The following CEP57 variants were observed in gnomAD, a reference collection of about 807,000 sequenced individuals.
CEP57 encodes centrosomal protein 57.
Under a neutral mutation model 68.0 loss-of-function variants are expected in CEP57, and 40 were observed. The ratio of observed to expected loss-of-function variants is 0.59; its 90% CI spans 0.46 to 0.77. The LOEUF (loss-of-function observed/expected upper bound fraction) is 0.77, where lower values mean the gene tolerates loss of function less well. CEP57 is among the 30% of genes least tolerant of loss of function. CEP57 has a pLI of 0.00. For missense variants in CEP57, 606 were observed against 580.7 expected, an observed-to-expected ratio of 1.04 and a Z score of -0.45; for synonymous variants, 219 against 198.7, an observed-to-expected ratio of 1.10 and a Z score of -0.86.
upstream of CEP57, chr11:95,790,497 C>T (rs139611819): frequency 9.8e-6 from 6 of 614,068 alleles, no homozygotes; most frequent in Non-Finnish European, 1.7e-5. Context: ...GACGTGTTGC[C>T]CTTTCTGTGT....
At chr11:95,790,349 G>T (rs968413063), upstream of CEP57, 3 of 415,926 alleles carry the variant, frequency 7.2e-6, no homozygotes, top group African/African-American at 4.0e-5. Context: ...CCGCAGAGCC[G>T]GCCTGTAACC....
At chr11:95,811,702 A>T (rs1412050942) in intron 2 of CEP57, among the ~76,000 whole-genome samples, 1 of 152,208 alleles carries the variant, frequency 6.6e-6, no homozygotes, top group Non-Finnish European at 1.5e-5. Context: ...TTCCCATAGA[A>T]AAATGGGCAA....
rs995064423 is a variant in CEP57 at position 95,813,523 on chromosome 11, A to G, written c.438A>G (p.Gln146=). The G allele has an allele frequency of 2.5e-6, 4 of 1,613,194 alleles. No homozygotes were observed. Among genetic ancestry groups the G allele is most frequent in the East Asian group, 2.2e-5 (1 of 44,838 alleles). ...AENKCNLLEK[Q]LEYMRNMIKH... ...ATAAATGCAATCTATTAGAAAAACAATTGGAATACATGCGAAATATGATAA... is the reference window on the plus strand; with the variant it reads ...ATAAATGCAATCTATTAGAAAAACAGTTGGAATACATGCGAAATATGATAA... The change falls in exon 4 of 11, where the codon CAA becomes CAG. Residue 146 remains glutamine, a synonymous_variant. Transcript: ENST00000325542.
rs1218464869 is a variant in CEP57 at position 95,832,449 on chromosome 11, T to A, written c.*1193T>A. ...AGGCTTTAATTTAGGATCCTTAAGA[T>A]TTTGGGGTATTATTTGTGACTCTCC... On this transcript the variant is annotated 3_prime_UTR_variant, in exon 11 of 11. Transcript: ENST00000325542. 6.6e-6 allele frequency: 1 copy of A among 152,108 alleles called. No homozygotes were observed. Among genetic ancestry groups the A allele is most frequent in the Non-Finnish European group, 1.5e-5 (1 of 67,996 alleles). 9.4% of individuals were successfully genotyped at this position (152,108 alleles called of 1,614,324 possible). A position where few individuals can be genotyped will look rare whatever the true frequency, so the allele number is the denominator to read the frequency against.
At chr11:95,797,704 T>G (rs2135253568) in intron 1 of CEP57, among the ~76,000 whole-genome samples, 1 of 152,324 alleles carries the variant, frequency 6.6e-6, no homozygotes, top group Non-Finnish European at 1.5e-5. Context: ...TAAAAATGTA[T>G]ATGTCATGAG....
In CEP57 at chr11:95,827,962, C is replaced by T. The variant is rs377021503; in HGVS notation, c.1062C>T (p.Asn354=). 2.9e-5 allele frequency: 46 copies of T among 1,613,590 alleles called. 1 individual carries two copies. The highest frequency in any genetic ancestry group is 2.7e-4 in the South Asian group (25 of 91,064). Residue 354 remains asparagine (N), a synonymous_variant, in exon 9 of 11, where the codon AAC becomes AAT. Transcript: ENST00000325542. ...TGTCAGTAACACCTCCCTCCTCCAA[C>T]GGTATTAATGAGGAGTTGTCAGAAG... ...KKLSVTPPSS[N]GINEELSEVL...
At chr11:95,798,082 C>T (rs1304077013) in intron 1 of CEP57, among the ~76,000 whole-genome samples, 2 of 152,120 alleles carry the variant, frequency 1.3e-5, no homozygotes, top group Non-Finnish European at 2.9e-5. Context: ...AAATACTAGT[C>T]TTTGTTATAT....
rs1860978168 is a variant in CEP57, at chr11:95,790,598, A to C, written c.-101A>C. 4 of 1,430,876 alleles carry C rather than the reference A, an allele frequency of 2.8e-6. No homozygotes were observed. Among genetic ancestry groups the C allele is most frequent in the Non-Finnish European group, 3.9e-6 (4 of 1,035,752 alleles). The allele number at this position is 1,430,876 out of a possible 1,614,324, so 88.6% of individuals were successfully genotyped here. A position where few individuals can be genotyped will look rare whatever the true frequency, so the allele number is the denominator to read the frequency against. ...CCTTGCCCTTTTCCATCAGGGGTTC[A>C]GCCTAGGGTCCCCGCTGGTGGGCGG... On this transcript the variant is annotated 5_prime_UTR_variant, in exon 1 of 11. Coordinates refer to ENST00000325542, the MANE Select transcript of CEP57 (RefSeq NM_014679.5).
At chr11:95,794,158 T>A in intron 1 of CEP57, 1 of 430,736 alleles carries the variant, frequency 2.3e-6, no homozygotes, top group Non-Finnish European at 4.6e-6. Context: ...TGTAAAGGGG[T>A]CCTGAGAGAA....
intron 1 of CEP57, among the ~76,000 whole-genome samples, chr11:95,790,955 C>G (rs886069249): frequency 1.3e-5 from 2 of 152,240 alleles, no homozygotes; most frequent in Non-Finnish European, 2.9e-5. Context: ...GCTGGCCGCC[C>G]CTGTTCCCCA....
intron 2 of CEP57, among the ~76,000 whole-genome samples, chr11:95,811,347 A>T (rs1862051314): frequency 6.7e-6 from 1 of 149,560 alleles, no homozygotes; most frequent in African/African-American, 2.5e-5. Flanking sequence ...ACCAGACACC[A>T]CATGTTCTCA....
In CEP57 at chr11:95,817,805, C is replaced by G. The variant is rs775752088; in HGVS notation, c.523C>G (p.Arg175Gly). ...LEKQVSLERE[R>G]QHDQTHVQSQ... is the part of the protein sequence containing the mutation. ...TTTTCAGGTTTCCCTAGAAAGAGAA[C>G]GACAACATGATCAAACACATGTTCA... Residue 175 changes from arginine to glycine, a missense_variant, in exon 5 of 11, where the codon CGA (arginine) becomes GGA (glycine). Arg to Gly is a moderately radical substitution (Grantham distance 125). Transcript: ENST00000325542. The G allele has an allele frequency of 6.2e-7, 1 of 1,612,840 alleles. No homozygotes were observed. Among genetic ancestry groups the G allele is most frequent in the East Asian group, 2.2e-5 (1 of 44,806 alleles).
Position 95,790,716 on chromosome 11 carries a change from C to T in CEP57, c.18C>T (p.Val6=). ...GCTGAAAGATGGCGGCGGCGTCTGTCTCTGCGGCTTCTGGTTCTCACTTGT... is the reference window on the plus strand; with the variant it reads ...GCTGAAAGATGGCGGCGGCGTCTGTTTCTGCGGCTTCTGGTTCTCACTTGT... MAAAS[V]SAASGSHLSN... The change falls in exon 1 of 11, where the codon GTC becomes GTT. Residue 6 remains valine (V), a synonymous_variant. Transcript: ENST00000325542. 1.9e-6 allele frequency: 3 copies of T among 1,614,144 alleles called. No homozygotes were observed. The highest frequency in any genetic ancestry group is 2.5e-6 in the Non-Finnish European group (3 of 1,180,018).
chr11:95,803,218 C>CA (rs577313421), intron 2 of CEP57, among the ~76,000 whole-genome samples: 1 of 151,592 alleles, frequency 6.6e-6, no homozygotes, highest in Non-Finnish European at 1.5e-5. Context: ...ACAGATGACA[C>CA]AAAAAAAGCA....
At chr11:95,812,228 A>G (rs1448859351) in intron 2 of CEP57, among the ~76,000 whole-genome samples, 2 of 152,084 alleles carry the variant, frequency 1.3e-5, no homozygotes, top group Non-Finnish European at 2.9e-5. Context: ...TTAATAAGTA[A>G]TAGTTACTAA....
chr11:95,816,883 C>T (rs1355778493), intron 4 of CEP57, among the ~76,000 whole-genome samples: 1 of 151,738 alleles, frequency 6.6e-6, no homozygotes, highest in Non-Finnish European at 1.5e-5. Flanking sequence ...TGGTGGCAGG[C>T]GCCTATAATC....
intron 4 of CEP57, among the ~76,000 whole-genome samples, 169 bp from the exon 5 acceptor site, chr11:95,817,618 A>G (rs932015744): frequency 6.6e-6 from 1 of 152,186 alleles, no homozygotes; most frequent in African/African-American, 2.4e-5. Context: ...TAAGAACAGT[A>G]TCCACTTATA....
chr11:95,796,918 C>T (rs1451841817), intron 1 of CEP57, among the ~76,000 whole-genome samples: 3 of 152,134 alleles, frequency 2.0e-5, no homozygotes, highest in Non-Finnish European at 2.9e-5. Flanking sequence ...ATGGAGGAGA[C>T]ATAGGGCAAG....
rs2135384164 is a variant in CEP57 at position 95,831,097 on chromosome 11, A to G, written c.1344A>G (p.Arg448=). The change falls in exon 11 of 11, where the codon AGA becomes AGG. Residue 448 remains arginine (R), a synonymous_variant. Coordinates refer to ENST00000325542, the MANE Select transcript of CEP57 (RefSeq NM_014679.5). ...CCAAAAAGACTCTTGATGAAGAAAG[A>G]AACAGCAGCAGCCGTTCTGGAATCA... is the stretch of plus-strand genomic sequence containing the variant. ...KATKKTLDEE[R]NSSSRSGITG... 1.2e-6 allele frequency: 2 copies of G among 1,613,542 alleles called. No homozygotes were observed. The highest frequency in any genetic ancestry group is 1.7e-6 in the Non-Finnish European group (2 of 1,179,602).
Sources: gnomAD v4.1 joint callset for allele counts (sites outside exome capture counted in the v4.1 genomes callset) on GRCh38, gnomAD v4.1.1 for gene constraint, MANE v1.5 for transcripts, NCBI Gene and HGNC (gene_info 2026-07-23, HGNC 2026-07-21) for gene names.